Variants in TTN observed in about 807,000 individuals in gnomAD.
The protein encoded by TTN is titin.
In TTN, 1,525 loss-of-function variants were observed where a neutral mutation model predicts 3,223.0. The observed-to-expected ratio is 0.47, with a 90% CI of 0.45 to 0.49. TTN has a LOEUF of 0.49. TTN is among the 20% of genes least tolerant of loss of function. TTN has a pLI of 0.00. For missense variants in TTN, 40,786 were observed against 43,424.0 expected, an observed-to-expected ratio of 0.94 and a Z score of 5.40; for synonymous variants, 14,094 against 15,161.0, an observed-to-expected ratio of 0.93 and a Z score of 5.17.
Position 178,679,897 on chromosome 2 carries a change from T to G in TTN, c.33577A>C (p.Lys11193Gln), listed in dbSNP as rs1449241240. 1 of 1,613,030 alleles carries G rather than the reference T, an allele frequency of 6.2e-7. No individual in the cohort carries two copies. Among genetic ancestry groups the G allele is most frequent in the Non-Finnish European group, 8.5e-7 (1 of 1,179,346 alleles). The change falls in exon 140 of 363, where the codon AAA (lysine) becomes CAA (glutamine). Residue 11193 changes from lysine (K) to glutamine (Q), a missense_variant. Lys to Gln is a moderately conservative substitution (Grantham distance 53). Transcript: ENST00000589042. ...EEEVVPVIPVKVPEVPRKPVP... is the reference protein window; with the variant it reads ...EEEVVPVIPVQVPEVPRKPVP... ...CTTTGCAGGAGGCATCATCTACCTT[T>G]GACTGGTATCACTGGCACCACTTCT... is the stretch of plus-strand genomic sequence containing the variant.
At chr2:178,800,223 C>A (rs555806292) in intron 4 of TTN, among the ~76,000 whole-genome samples, 172 bp downstream of exon 4, 74 of 152,242 alleles carry the variant, frequency 4.9e-4, no homozygotes, top group African/African-American at 1.6e-3. Context: ...TTCTATTCTG[C>A]GCTCCTGACT....
chr2:178,546,239 C>G lies in TTN; in HGVS notation c.95092G>C (p.Ala31698Pro). The G allele has an allele frequency of 6.2e-7, 1 of 1,612,662 alleles. No homozygotes were observed. The highest frequency in any genetic ancestry group is 2.2e-5 in the East Asian group (1 of 44,868). The change falls in exon 342 of 363, where the codon GCC becomes CCC. Residue 31698 changes from alanine (A) to proline (P), a missense_variant. By Grantham distance (27) the Ala-to-Pro change is conservative. Transcript: ENST00000589042. ...LTVKNASGTK[A>P]VSVMVKVLDS... Reference sequence around the variant, plus strand: ...AGCACTTTGACCATGACAGACACGGCCTTGGTCCCGCTGGCATTTTTCACT... The same window carrying G: ...AGCACTTTGACCATGACAGACACGGGCTTGGTCCCGCTGGCATTTTTCACT...
In TTN at chr2:178,539,711, G is replaced by C; in HGVS notation, c.98354C>G (p.Ala32785Gly). Reference protein sequence around the residue: ...LVLENKCGKKAVYIKVRVIGS... With the variant: ...LVLENKCGKKGVYIKVRVIGS... The stretch of plus-strand genomic sequence containing the variant: ...TATCACCCTGACCTTGATGTAGACA[G>C]CCTTCTTGCCACATTTATTTTCCAG... Residue 32785 changes from alanine to glycine, a missense_variant, in exon 352 of 363, where the codon GCT becomes GGT. Physicochemically the swap from Ala to Gly is moderately conservative, Grantham distance 60. Coordinates refer to ENST00000589042, the MANE Select transcript of TTN (RefSeq NM_001267550.2). 1.2e-6 allele frequency: 2 copies of C among 1,613,764 alleles called. No individual in the cohort carries two copies. Among genetic ancestry groups the C allele is most frequent in the Non-Finnish European group, 1.7e-6 (2 of 1,179,800 alleles).
At chr2:178,697,065 A>G in intron 113 of TTN, 56 bp downstream of exon 113, 2 of 1,402,776 alleles carry the variant, frequency 1.4e-6, no homozygotes, top group Non-Finnish European at 9.8e-7. Context: ...AAGAATAGTT[A>G]GCAGAAGTGC....
chr2:178,725,290 A>G (rs1037954666), intron 71 of TTN, 78 bp downstream of exon 71: 2 of 1,377,402 alleles, frequency 1.5e-6, no homozygotes, highest in African/African-American at 1.5e-5. Flanking sequence ...AGAAACTCAG[A>G]AAAAGAATCT....
In TTN at chr2:178,607,832, T is replaced by G; in HGVS notation, c.52955A>C (p.Glu17652Ala). ...AGGTTGTGTTTCTCCAGGCGGTCCT[T>G]CCCCTGCGGCATTGACAGCACTCAC... The part of the protein sequence containing the change: ...LRVSAVNAAG[E>A]GPPGETQPVT... The change falls in exon 276 of 363, where the codon GAA (glutamate) becomes GCA (alanine). Residue 17652 changes from glutamate to alanine, a missense_variant. Coordinates refer to ENST00000589042, the MANE Select transcript of TTN (RefSeq NM_001267550.2). The G allele has an allele frequency of 6.2e-7, 1 of 1,612,982 alleles. No homozygotes were observed. The highest frequency in any genetic ancestry group is 8.5e-7 in the Non-Finnish European group (1 of 1,179,322).
rs879250663 is a variant in TTN, at chr2:178,536,343, T to G, written c.100404A>C (p.Lys33468Asn). ...IEGLEYEFRVKCENLGGESEW... is the reference protein window; with the variant it reads ...IEGLEYEFRVNCENLGGESEW... ...CACTTTCCCCACCTAGATTTTCACA[T>G]TTCACACGAAACTCGTATTCAAGAC... Residue 33468 changes from lysine (K) to asparagine (N), a missense_variant, in exon 357 of 363, where the codon AAA becomes AAC. Lys to Asn is a moderately conservative substitution (Grantham distance 94). Coordinates refer to ENST00000589042, the MANE Select transcript of TTN (RefSeq NM_001267550.2). 6.2e-7 allele frequency: 1 copy of G among 1,613,664 alleles called. No individual in the cohort carries two copies. The highest frequency in any genetic ancestry group is 8.5e-7 in the Non-Finnish European group (1 of 1,179,788).
In TTN at chr2:178,581,887, C is replaced by G; in HGVS notation, c.66463+19G>C. The G allele has an allele frequency of 6.2e-7, 1 of 1,611,336 alleles. No individual in the cohort carries two copies. Among genetic ancestry groups the G allele is most frequent in the Non-Finnish European group, 8.5e-7 (1 of 1,178,982 alleles). On this transcript the variant is annotated intron_variant, in intron 315 of 362. Transcript: ENST00000589042. Reference sequence around the variant, plus strand: ...GCTGCTTTTAACACAGGATATGGAACTCGTTCATGAACACTTACACTGAGG... The same window carrying G: ...GCTGCTTTTAACACAGGATATGGAAGTCGTTCATGAACACTTACACTGAGG...
Position 178,636,089 on chromosome 2 carries a change from G to A in TTN, c.41482C>T (p.Pro13828Ser), listed in dbSNP as rs748565404. ...IVVEKPGRIV[P>S]GVIGLMRALT... ...GCCCGCATCAAGCCAATGACGCCTG[G>A]CACAATTCGGCCAGGTTTCTCCACC... is the stretch of plus-strand genomic sequence containing the variant. The change falls in exon 226 of 363, where the codon CCA (proline) becomes TCA (serine). Residue 13828 changes from proline (P) to serine (S), a missense_variant. Transcript: ENST00000589042. This position sits in a 1 kb window ranked among gnomAD's most constrained non-coding sequence, Gnocchi z 4.3. 1 of 1,613,050 alleles carries A rather than the reference G, an allele frequency of 6.2e-7. No homozygotes were observed. The highest frequency in any genetic ancestry group is 8.5e-7 in the Non-Finnish European group (1 of 1,179,510).
chr2:178,650,981 C>T (rs2062842747), intron 208 of TTN, 147 bp from the exon 209 acceptor site: 8 of 878,088 alleles, frequency 9.1e-6, no homozygotes, highest in Non-Finnish European at 1.4e-5. Flanking sequence ...TCTTTGGACC[C>T]TCATATAGTG....
At chr2:178,689,678 GGACA>G (rs1577461413) in intron 122 of TTN, 83 bp from the exon 123 acceptor site, 2 of 1,446,542 alleles carry the variant, frequency 1.4e-6, no homozygotes, top group Non-Finnish European at 1.9e-6. Flanking sequence ...GCAGACGGGT[GGACA>G]GACACTTTTG....
chr2:178,729,305 G>A lies in TTN; in HGVS notation c.18851C>T (p.Thr6284Ile). Residue 6284 changes from threonine (T) to isoleucine (I), a missense_variant, in exon 64 of 363, where the codon ACT (threonine) becomes ATT (isoleucine). Coordinates refer to ENST00000589042, the MANE Select transcript of TTN (RefSeq NM_001267550.2). ...TAACTGACCTTTCAGGGCAACTCTA[G>A]TACTGCATGAGCAGCTGCCGCCTTC... is the stretch of plus-strand genomic sequence containing the variant. Reference protein sequence around the residue: ...SNEGGSCSCSTRVALKEPPSF... With the variant: ...SNEGGSCSCSIRVALKEPPSF... 6.2e-7 allele frequency: 1 copy of A among 1,610,780 alleles called. No homozygotes were observed. The highest frequency in any genetic ancestry group is 2.2e-5 in the East Asian group (1 of 44,800).
chr2:178,630,496 TC>T, intron 238 of TTN, 129 bp from the exon 239 acceptor site: 1 of 1,245,794 alleles, frequency 8.0e-7, no homozygotes, highest in South Asian at 1.5e-5. Context: ...AACTTTGAGC[TC>T]TTTTTTTAGG....
At position 178,535,565 on chromosome 2, in the gene TTN, G is replaced by A. The variant is rs775824162; in HGVS notation, c.101050C>T (p.Leu33684=). 1.9e-6 allele frequency: 3 copies of A among 1,613,762 alleles called. No homozygotes were observed. The highest frequency in any genetic ancestry group is 2.2e-5 in the South Asian group (2 of 91,090). The change falls in exon 358 of 363, where the codon CTG becomes TTG. Residue 33684 remains leucine (L), a synonymous_variant. Coordinates refer to ENST00000589042, the MANE Select transcript of TTN (RefSeq NM_001267550.2). ...GGGTCAGGAACATCAGCCACATCCA[G>A]TTCAACTGTCTTCTGATCAATTCCA... ...RFGIDQKTVE[L]DVADVPDPPR...
At position 178,539,534 on chromosome 2, in the gene TTN, T is replaced by C; in HGVS notation, c.98531A>G (p.Tyr32844Cys). Residue 32844 changes from tyrosine (Y) to cysteine (C), a missense_variant, in exon 352 of 363, where the codon TAT becomes TGT. Transcript: ENST00000589042. ...ACCTCGGACTCTGGAATCAATGGTA[T>C]ACCAGGCGGCTTTAGGCACTTCTCG... is the stretch of plus-strand genomic sequence containing the variant. The part of the protein sequence containing the change: ...ERREVPKAAW[Y>C]TIDSRVRGTS... The C allele has an allele frequency of 1.2e-6, 2 of 1,613,800 alleles. No individual in the cohort carries two copies. The highest frequency in any genetic ancestry group is 1.1e-5 in the South Asian group (1 of 91,080).
intron 168 of TTN, among the ~76,000 whole-genome samples, 154 bp downstream of exon 168, chr2:178,664,306 G>C (rs2065459936): frequency 6.6e-6 from 1 of 151,950 alleles, no homozygotes; most frequent in Non-Finnish European, 1.5e-5. Context: ...GCTTCAGGCA[G>C]TTTGAAGATA....
intron 135 of TTN, 94 bp downstream of exon 135, chr2:178,682,603 T>C: frequency 1.6e-6 from 2 of 1,226,316 alleles, no homozygotes; most frequent in Non-Finnish European, 2.2e-6. Flanking sequence ...TCTTTGGGTA[T>C]CCAAATTTTT....
Position 178,747,181 on chromosome 2 carries a change from G to A in TTN, c.11312-5260C>T, listed in dbSNP as rs1275982110. 1 of 1,606,774 alleles carries A rather than the reference G, an allele frequency of 6.2e-7. No homozygotes were observed. Among genetic ancestry groups the A allele is most frequent in the South Asian group, 1.1e-5 (1 of 90,786 alleles). ...CTAGAGTCTCTCCTGGGGGTGTGGA[G>A]TATCTCTCTAGAGTCTCTCCTGGAG... On this transcript the variant is annotated intron_variant, in intron 47 of 362. Coordinates refer to ENST00000589042, the MANE Select transcript of TTN (RefSeq NM_001267550.2).
Position 178,650,275 on chromosome 2 carries a change from T to C in TTN, c.39710-4A>G, listed in dbSNP as rs781589169. The C allele has an allele frequency of 5.1e-6, 8 of 1,557,984 alleles. No homozygotes were observed. In the African/African-American group the frequency reaches 9.6e-5, roughly 19 times the overall value. Reference sequence around the variant, plus strand: ...ATTTCCTCAGGTTCTTCATATACTTTAAAGATATTAGTTAATTTTATTTCA... The same window carrying C: ...ATTTCCTCAGGTTCTTCATATACTTCAAAGATATTAGTTAATTTTATTTCA... On this transcript the variant is annotated splice_region_variant and splice_polypyrimidine_tract_variant and intron_variant, in intron 209 of 362. Transcript: ENST00000589042.
Sources: allele counts gnomAD v4.1 joint callset (sites outside exome capture counted in the v4.1 genomes callset), GRCh38; gene constraint gnomAD v4.1.1; non-coding constraint Gnocchi (gnomAD v3.1); transcripts MANE v1.5; gene names NCBI Gene and HGNC (gene_info 2026-07-23, HGNC 2026-07-21).